WDR82: variants seen among roughly 807,000 people sequenced by gnomAD.
The protein encoded by WDR82 is WD repeat domain 82.
Under a neutral mutation model 36.1 loss-of-function variants are expected in WDR82, and 8 were observed. The observed-to-expected ratio is 0.22, with a 90% CI of 0.13 to 0.40. The LOEUF (loss-of-function observed/expected upper bound fraction) is 0.40, where lower values mean the gene tolerates loss of function less well. WDR82 is among the 10% of genes least tolerant of loss of function. WDR82 has a pLI of 1.00. For missense variants in WDR82, 185 were observed against 400.5 expected, an observed-to-expected ratio of 0.46 and a Z score of 4.59; for synonymous variants, 129 against 137.8, an observed-to-expected ratio of 0.94 and a Z score of 0.45.
intron 1 of WDR82, among the ~76,000 whole-genome samples, chr3:52,275,014 G>C (rs766216090): frequency 6.6e-6 from 1 of 152,090 alleles, no homozygotes; most frequent in Admixed American, 6.5e-5. Context: ...CTGAGGTCGG[G>C]AATTCGAGAC....
chr3:52,271,244 C>T (rs1700150908), intron 1 of WDR82, among the ~76,000 whole-genome samples: 1 of 152,146 alleles, frequency 6.6e-6, no homozygotes, highest in Non-Finnish European at 1.5e-5. Context: ...GGCACCTTTT[C>T]TATGTTTAGA....
At chr3:52,277,553 G>T (rs1700216556) in intron 1 of WDR82, among the ~76,000 whole-genome samples, 1 of 152,204 alleles carries the variant, frequency 6.6e-6, no homozygotes. Context: ...AGATGTTGCT[G>T]AAAAGTTCAC....
At chr3:52,260,031 T>TAGAA (rs1207242444) in intron 5 of WDR82, among the ~76,000 whole-genome samples, 159 bp from the exon 6 acceptor site, 2 of 152,174 alleles carry the variant, frequency 1.3e-5, no homozygotes, top group Non-Finnish European at 2.9e-5. Context: ...TTTCCTTTTG[T>TAGAA]AGAAAAGGCT....
At chr3:52,278,027 G>GA (rs1459171262) in intron 1 of WDR82, 174 bp downstream of exon 1, 1 of 466,660 alleles carries the variant, frequency 2.1e-6, no homozygotes, top group Non-Finnish European at 3.6e-6. Flanking sequence ...TTTTTTTTAA[G>GA]AAGAAAAAAA....
intron 3 of WDR82, among the ~76,000 whole-genome samples, chr3:52,263,703 C>T (rs1700080830): frequency 6.6e-6 from 1 of 152,116 alleles, no homozygotes; most frequent in Non-Finnish European, 1.5e-5. Context: ...AAAGAGTGAA[C>T]TAACAACAGA....
chr3:52,259,628 AC>A, intron 6 of WDR82, 88 bp downstream of exon 6: 1 of 1,435,390 alleles, frequency 7.0e-7, no homozygotes, highest in Non-Finnish European at 9.4e-7. Context: ...GTCAAGAGTA[AC>A]TGTTGGTCTC....
chr3:52,274,758 C>G (rs1700187265), intron 1 of WDR82, among the ~76,000 whole-genome samples: 1 of 152,016 alleles, frequency 6.6e-6, no homozygotes, highest in Admixed American at 6.6e-5. Context: ...CAAAAATTAG[C>G]AGGCACACTG....
Position 52,256,632 on chromosome 3 carries a change from C to T in WDR82, c.*858G>A, listed in dbSNP as rs1700012061. On this transcript the variant is annotated 3_prime_UTR_variant, in exon 9 of 9. Coordinates refer to ENST00000296490, the MANE Select transcript of WDR82 (RefSeq NM_025222.4). ...GCCCACAGGTAAGTGTGATGTATCTCATGTACAAAAATAGACTCCCACCTT... is the reference window on the plus strand; with the variant it reads ...GCCCACAGGTAAGTGTGATGTATCTTATGTACAAAAATAGACTCCCACCTT... 1.3e-5 allele frequency: 2 copies of T among 153,698 alleles called. No homozygotes were observed. Among genetic ancestry groups the T allele is most frequent in the Admixed American group, 6.5e-5 (1 of 15,282 alleles). 9.5% of individuals were successfully genotyped at this position (153,698 alleles called of 1,614,324 possible).
At chr3:52,265,299 CAAAAAAAAAAAAAAAAAAAAA>C (rs869189597) in intron 3 of WDR82, among the ~76,000 whole-genome samples, 2 of 43,810 alleles carry the variant, frequency 4.6e-5, no homozygotes, top group South Asian at 1.3e-3. Flanking sequence ...GACTCTGTCT[CAAAAAAAAAAAAAAAAAAAAA>C]AAAAAAAAAA....
intron 2 of WDR82, among the ~76,000 whole-genome samples, chr3:52,268,597 G>A (rs531474068): frequency 3.3e-5 from 5 of 152,102 alleles, no homozygotes; most frequent in African/African-American, 1.2e-4. Flanking sequence ...AGGATCCTAA[G>A]GTTTTACATT....
At chr3:52,272,551 A>AAAAAAAAAAAG (rs1700164125) in intron 1 of WDR82, among the ~76,000 whole-genome samples, 1 of 152,078 alleles carries the variant, frequency 6.6e-6, no homozygotes, top group Non-Finnish European at 1.5e-5. Flanking sequence ...CTCAAAAAAA[A>AAAAAAAAAAAG]AAAAAAGAAA....
chr3:52,271,170 G>T (rs975174677), intron 1 of WDR82, among the ~76,000 whole-genome samples: 1 of 152,204 alleles, frequency 6.6e-6, no homozygotes, highest in Non-Finnish European at 1.5e-5. Flanking sequence ...GGTCTCATAA[G>T]ATTATAATAG....
intron 1 of WDR82, among the ~76,000 whole-genome samples, chr3:52,271,152 A>G (rs1284296523): frequency 1.3e-5 from 2 of 152,250 alleles, no homozygotes; most frequent in Non-Finnish European, 2.9e-5. Context: ...GACAGCACAT[A>G]GGGTAATGGT....
intron 1 of WDR82, among the ~76,000 whole-genome samples, chr3:52,277,962 A>T (rs1048662784): frequency 3.9e-5 from 6 of 152,334 alleles, no homozygotes; most frequent in Non-Finnish European, 8.8e-5. Context: ...CATAGCGCTC[A>T]AAGGAGACCG....
intron 3 of WDR82, among the ~76,000 whole-genome samples, chr3:52,266,388 A>AAT (rs1207353797): frequency 6.6e-6 from 1 of 152,058 alleles, no homozygotes; most frequent in East Asian, 1.9e-4. Flanking sequence ...TAAAACTAGA[A>AAT]ATATATATAT....
chr3:52,260,755 A>G (rs1476827390), intron 4 of WDR82, among the ~76,000 whole-genome samples: 1 of 152,292 alleles, frequency 6.6e-6, no homozygotes, highest in Non-Finnish European at 1.5e-5. Flanking sequence ...ATTTCTGATC[A>G]ACTCTAACTG....
intron 2 of WDR82, among the ~76,000 whole-genome samples, chr3:52,269,750 CAAAAG>C (rs1201735230): frequency 1.3e-5 from 2 of 151,910 alleles, no homozygotes; most frequent in African/African-American, 4.8e-5. Flanking sequence ...AACAGACAAA[CAAAAG>C]AAAATAAACA....
rs1219983314 is a variant in WDR82 at position 52,255,943 on chromosome 3, T to G, written c.*1547A>C. The G allele has an allele frequency of 6.5e-6, 1 of 152,834 alleles. No homozygotes were observed. Among genetic ancestry groups the G allele is most frequent in the South Asian group, 2.1e-4 (1 of 4,830 alleles). The allele number at this position is 152,834 out of a possible 1,614,324, so 9.5% of individuals were successfully genotyped here. On this transcript the variant is annotated 3_prime_UTR_variant, in exon 9 of 9. Coordinates refer to ENST00000296490, the MANE Select transcript of WDR82 (RefSeq NM_025222.4). ...ACATACCAGGTCAACAGGAGTGATCTATCATTGGCAACGAGGCCTCAAACA... is the reference window on the plus strand; with the variant it reads ...ACATACCAGGTCAACAGGAGTGATCGATCATTGGCAACGAGGCCTCAAACA...
At position 52,257,150 on chromosome 3, in the gene WDR82, C is replaced by T; in HGVS notation, c.*340G>A. ...AAGGGATGTGCGGAACTGATGACTT[C>T]ACCGGCTCCTCAGCAGCATGTACAT... On this transcript the variant is annotated 3_prime_UTR_variant, in exon 9 of 9. Transcript: ENST00000296490. 1 of 327,876 alleles carries T rather than the reference C, an allele frequency of 3.0e-6. No individual in the cohort carries two copies. The allele number at this position is 327,876 out of a possible 1,614,324, so 20.3% of individuals were successfully genotyped here.
Sources: gnomAD v4.1 joint callset for allele counts (sites outside exome capture counted in the v4.1 genomes callset) on GRCh38, gnomAD v4.1.1 for gene constraint, MANE v1.5 for transcripts, NCBI Gene and HGNC (gene_info 2026-07-23, HGNC 2026-07-21) for gene names.